MAGI2: variants seen among roughly 807,000 people sequenced by gnomAD.
The protein encoded by MAGI2 is membrane associated guanylate kinase, WW and PDZ domain containing 2, also known as membrane-associated guanylate kinase, WW and PDZ domain-containing protein 2.
MAGI2 carries 35 observed loss-of-function variants against 133.3 expected under a neutral mutation model. The ratio of observed to expected loss-of-function variants is 0.26; its 90% CI spans 0.20 to 0.35. The LOEUF (loss-of-function observed/expected upper bound fraction) is 0.35. MAGI2 is among the 10% of genes least tolerant of loss of function. MAGI2 has a pLI of 1.00. For missense variants in MAGI2, 1,636 were observed against 1,863.4 expected (o/e 0.88, Z 2.25); for synonymous variants, 729 against 710.6 (o/e 1.03, Z -0.41).
intron 2 of MAGI2, among the ~76,000 whole-genome samples, chr7:78,745,990 T>G (rs1822892322): frequency 6.6e-6 from 1 of 152,198 alleles, no homozygotes; most frequent in Admixed American, 6.5e-5. Flanking sequence ...TCTCATTCAT[T>G]ATCTTGGCAA....
chr7:78,558,401 T>G (rs1450821417), intron 3 of MAGI2, among the ~76,000 whole-genome samples: 1 of 152,200 alleles, frequency 6.6e-6, no homozygotes, highest in Admixed American at 6.5e-5. Context: ...CCTTTAGTAT[T>G]ATTCATGATG....
intron 21 of MAGI2, among the ~76,000 whole-genome samples, chr7:78,044,645 A>G (rs1280058749): frequency 6.6e-6 from 1 of 152,032 alleles, no homozygotes; most frequent in African/African-American, 2.4e-5. Flanking sequence ...TCAACAAGAT[A>G]GACAAAGTCA....
At position 78,243,258 on chromosome 7, in the gene MAGI2, C is replaced by G. The variant is rs1047741637; in HGVS notation, c.2047+12685G>C. Among the ~76,000 whole-genome samples the G allele has an allele frequency of 2.2e-4, 9 of 40,776 alleles. No individual in the cohort carries two copies. In the East Asian group the frequency reaches 5.8e-3, roughly 26 times the overall value. 26.8% of individuals were successfully genotyped at this position (40,776 alleles called of 152,430 possible). A position where few individuals can be genotyped will look rare whatever the true frequency, so the allele number is the denominator to read the frequency against. ...ACACACACACACACACACACACACA[C>G]ACACACACACACTCTCTCTCTCTCT... On this transcript the variant is annotated intron_variant, in intron 10 of 21. Coordinates refer to ENST00000354212, the MANE Select transcript of MAGI2 (RefSeq NM_012301.4).
intron 1 of MAGI2, among the ~76,000 whole-genome samples, chr7:79,377,517 G>A (rs967750995): frequency 2.6e-5 from 4 of 151,776 alleles, no homozygotes; most frequent in African/African-American, 9.7e-5. Flanking sequence ...TGGCAATGAA[G>A]CCACGTTCTT....
intron 1 of MAGI2, chr7:79,010,945 T>C (rs1808018485): frequency 6.6e-6 from 1 of 152,130 alleles, no homozygotes; most frequent in African/African-American, 2.4e-5. Context: ...CCAAACTTCT[T>C]AGTGCAAAGC....
At chr7:78,738,932 A>C (rs547530559) in intron 2 of MAGI2, among the ~76,000 whole-genome samples, 1 of 152,226 alleles carries the variant, frequency 6.6e-6, no homozygotes, top group Admixed American at 6.5e-5. Context: ...TACTTACTGC[A>C]TGTGCTTACA....
intron 1 of MAGI2, among the ~76,000 whole-genome samples, chr7:79,237,542 C>T (rs1342160953): frequency 2.6e-5 from 4 of 152,112 alleles, no homozygotes; most frequent in African/African-American, 9.7e-5. Context: ...TTCTATAATC[C>T]TCAATGCAGA....
At chr7:78,183,386 T>C (rs1584299655) in intron 13 of MAGI2, among the ~76,000 whole-genome samples, 1 of 151,148 alleles carries the variant, frequency 6.6e-6, no homozygotes. Context: ...CTGCCTCAGC[T>C]TCCCGAGTAG....
rs1209159449 is a variant in MAGI2 at position 78,691,412 on chromosome 7, T to G, written c.419-64173A>C. Among the ~76,000 whole-genome samples the G allele has an allele frequency of 2.0e-5, 3 of 152,246 alleles. No individual in the cohort carries two copies. In the South Asian group the frequency reaches 6.2e-4, roughly 32 times the overall value. The stretch of plus-strand genomic sequence containing the variant: ...CATCTTATGAATATTTGTAAGATAA[T>G]GAATGAATGAGGTTGAATACAGCAA... On this transcript the variant is annotated intron_variant, in intron 2 of 21. Transcript: ENST00000354212.
intron 2 of MAGI2, among the ~76,000 whole-genome samples, chr7:78,894,800 A>G (rs1016250192): frequency 3.3e-5 from 5 of 152,216 alleles, no homozygotes; most frequent in African/African-American, 7.2e-5. Flanking sequence ...TATTCTGGCT[A>G]ATCCTCACAC....
chr7:79,174,900 G>A (rs1369538021), intron 1 of MAGI2, among the ~76,000 whole-genome samples: 1 of 151,842 alleles, frequency 6.6e-6, no homozygotes, highest in Non-Finnish European at 1.5e-5. Context: ...AATACTGTCT[G>A]TGGCAATCTA....
intron 1 of MAGI2, among the ~76,000 whole-genome samples, chr7:79,150,270 C>A (rs1823071612): frequency 7.6e-6 from 1 of 131,614 alleles, no homozygotes; most frequent in African/African-American, 2.5e-5. Context: ...AAAAAAAAAA[C>A]CCTTAAGGCA....
At chr7:78,545,823 G>T (rs1408655436) in intron 3 of MAGI2, among the ~76,000 whole-genome samples, 1 of 152,094 alleles carries the variant, frequency 6.6e-6, no homozygotes, top group Admixed American at 6.6e-5. Context: ...TTTGGATTAT[G>T]ATTTTGTTTG....
chr7:78,057,066 A>G (rs895228488), intron 21 of MAGI2, among the ~76,000 whole-genome samples: 3 of 148,452 alleles, frequency 2.0e-5, no homozygotes, highest in African/African-American at 7.4e-5. Flanking sequence ...TAAATTATAT[A>G]TATATATATA....
chr7:78,033,131 C>T (rs1049629303), intron 21 of MAGI2, among the ~76,000 whole-genome samples: 1 of 151,860 alleles, frequency 6.6e-6, no homozygotes, highest in African/African-American at 2.4e-5. Context: ...TGTGGGTGAT[C>T]GTGATGGAGG....
At chr7:79,255,999 G>T (rs953678091) in intron 1 of MAGI2, among the ~76,000 whole-genome samples, 1 of 152,136 alleles carries the variant, frequency 6.6e-6, no homozygotes, top group South Asian at 2.1e-4. Flanking sequence ...TGGAATGAGA[G>T]TTTAAGCCAA....
At chr7:79,241,206 T>C (rs1832386464) in intron 1 of MAGI2, among the ~76,000 whole-genome samples, 1 of 152,172 alleles carries the variant, frequency 6.6e-6, no homozygotes, top group Non-Finnish European at 1.5e-5. Context: ...TCTAATAGCA[T>C]TTAAGATCAT....
Position 78,403,501 on chromosome 7 carries a change from T to G in MAGI2, c.1046-34288A>C, listed in dbSNP as rs181240443. Among the ~76,000 whole-genome samples the G allele has an allele frequency of 2.4e-4, 36 of 152,174 alleles. No individual in the cohort carries two copies. In the East Asian group the frequency reaches 7.0e-3, roughly 30 times the overall value. On this transcript the variant is annotated intron_variant, in intron 6 of 21. Transcript: ENST00000354212. ...TTATAGCAGCATGATTTATAATCCT[T>G]TGGGTATATACCCAGTAATTGGATG...
At chr7:78,100,521 T>C (rs1056030207) in intron 20 of MAGI2, among the ~76,000 whole-genome samples, 6 of 151,040 alleles carry the variant, frequency 4.0e-5, no homozygotes, top group African/African-American at 1.2e-4. Flanking sequence ...CAGCTAACTT[T>C]TTAAATTTTT....
Sources: gnomAD v4.1 joint callset for allele counts (sites outside exome capture counted in the v4.1 genomes callset) on GRCh38, gnomAD v4.1.1 for gene constraint, MANE v1.5 for transcripts, NCBI Gene and HGNC (gene_info 2026-07-23, HGNC 2026-07-21) for gene names.